IQCK: variants seen among roughly 807,000 people sequenced by gnomAD.
The protein encoded by IQCK is IQ domain-containing protein K.
IQCK carries 29 observed loss-of-function variants against 28.1 expected under a neutral mutation model. The observed-to-expected ratio is 1.03, with a 90% CI of 0.77 to 1.41. The LOEUF (loss-of-function observed/expected upper bound fraction) is 1.41. Ranked by LOEUF, IQCK falls within the 40% of genes most tolerant of loss-of-function variation. The probability of loss-of-function intolerance (pLI) is 0.00; values close to 1 mark genes in which losing one functional copy is unlikely to be tolerated. For missense variants in IQCK, 359 were observed against 314.7 expected (o/e 1.14, Z -1.07); for synonymous variants, 113 against 115.1 (o/e 0.98, Z 0.12).
chr16:19,765,264 A>G (rs1009903216), intron 6 of IQCK, among the ~76,000 whole-genome samples: 14 of 149,226 alleles, frequency 9.4e-5, no homozygotes, highest in Admixed American at 2.7e-4. Context: ...CTGGCCGGGC[A>G]TGGTGGCTTA....
rs549362526 is a variant in IQCK, at chr16:19,846,392, C to A, written c.803-10095C>A. On this transcript the variant is annotated intron_variant, in intron 9 of 9. Coordinates refer to the IQCK transcript ENST00000320394. ...TACCTCAGTTTTCACCTATTAAAAA[C>A]AAGCCTTTTATTGAATCTCTCTTTT... is the stretch of plus-strand genomic sequence containing the variant. 3.3e-4 allele frequency among the ~76,000 whole-genome samples: 50 copies of A among 152,316 alleles called. No individual in the cohort carries two copies. In the East Asian group the frequency reaches 6.4e-3, roughly 19 times the overall value.
At chr16:19,748,894 AAAAAC>A (rs773775993) in intron 4 of IQCK, among the ~76,000 whole-genome samples, 6 of 152,228 alleles carry the variant, frequency 3.9e-5, no homozygotes, top group Admixed American at 1.3e-4. Context: ...TGTAATGGAA[AAAAAC>A]AAAACAAAAC....
chr16:19,761,751 T>C (rs2055146871), intron 4 of IQCK: 1 of 230,162 alleles, frequency 4.3e-6, no homozygotes, highest in Non-Finnish European at 8.7e-6. Context: ...TCCCTTGTGG[T>C]TTACTAGGTA....
intron 4 of IQCK, among the ~76,000 whole-genome samples, chr16:19,743,387 T>C (rs545522456): frequency 6.6e-6 from 1 of 152,334 alleles, no homozygotes; most frequent in South Asian, 2.1e-4. Flanking sequence ...TCCCTGGAGC[T>C]GGAGCTGGGC....
At chr16:19,855,038 C>G (rs1372640884) in intron 9 of IQCK, among the ~76,000 whole-genome samples, 1 of 151,930 alleles carries the variant, frequency 6.6e-6, no homozygotes, top group African/African-American at 2.4e-5. Context: ...TACGCAAAAC[C>G]AAATAAATAC....
intron 6 of IQCK, among the ~76,000 whole-genome samples, chr16:19,780,735 A>G (rs1184139559): frequency 6.6e-6 from 1 of 152,210 alleles, no homozygotes; most frequent in Non-Finnish European, 1.5e-5. Context: ...CTCCTGTCAC[A>G]TTACAGTTGT....
chr16:19,735,385 T>C, exon 4 of IQCK: 1 of 1,614,114 alleles, frequency 6.2e-7, no homozygotes, highest in Non-Finnish European at 8.5e-7. Flanking sequence ...AACTTTCATC[T>C]TTCCTGTTCT....
At chr16:19,784,400 C>A (rs929208902) in intron 6 of IQCK, among the ~76,000 whole-genome samples, 1 of 152,114 alleles carries the variant, frequency 6.6e-6, no homozygotes, top group Non-Finnish European at 1.5e-5. Context: ...GTCCCTTTAC[C>A]CCTCTATGCC....
At chr16:19,839,297 A>T in intron 9 of IQCK, among the ~76,000 whole-genome samples, 1 of 151,720 alleles carries the variant, frequency 6.6e-6, no homozygotes, top group East Asian at 2.0e-4. Flanking sequence ...AGTAGCTGGG[A>T]TTACAGGCGC....
chr16:19,815,712 A>G (rs1465960495), intron 7 of IQCK, among the ~76,000 whole-genome samples: 1 of 152,186 alleles, frequency 6.6e-6, no homozygotes, highest in Non-Finnish European at 1.5e-5. Context: ...ACAATAAGGA[A>G]CACTAATAAT....
chr16:19,730,491 T>G, exon 2 of IQCK: 1 of 1,606,538 alleles, frequency 6.2e-7, no homozygotes, highest in Non-Finnish European at 8.5e-7. Context: ...AGCCTGTGAT[T>G]ACGGTGAGTA....
chr16:19,852,865 G>T lies in IQCK; in HGVS notation c.803-3622G>T, dbSNP rs1403054009. Among the ~76,000 whole-genome samples, 62 of 152,048 alleles carry T rather than the reference G, an allele frequency of 4.1e-4. 1 individual carries two copies. Among genetic ancestry groups the T allele is most frequent in the Admixed American group, 4.1e-3 (62 of 15,270 alleles). Reference sequence around the variant, plus strand: ...TCTTGATCTCCTGATCTCGTGATCTGCCCGCCTCAGCCTCCCAATGTGCTG... The same window carrying T: ...TCTTGATCTCCTGATCTCGTGATCTTCCCGCCTCAGCCTCCCAATGTGCTG... On this transcript the variant is annotated intron_variant, in intron 9 of 9. Transcript: ENST00000320394.
chr16:19,745,459 C>T (rs566615034), intron 4 of IQCK, among the ~76,000 whole-genome samples: 5 of 152,136 alleles, frequency 3.3e-5, no homozygotes, highest in African/African-American at 1.2e-4. Context: ...CCGCAGCGGC[C>T]GTAACATCAC....
intron 4 of IQCK, among the ~76,000 whole-genome samples, chr16:19,752,701 A>G (rs979082837): frequency 7.9e-5 from 12 of 152,130 alleles, no homozygotes; most frequent in Admixed American, 4.6e-4. Context: ...AGCTGGGACT[A>G]TAGGCATACA....
intron 2 of IQCK, 135 bp downstream of exon 2, chr16:19,730,629 T>A: frequency 1.8e-6 from 1 of 548,102 alleles, no homozygotes; most frequent in Admixed American, 3.7e-5. Flanking sequence ...AACCAGAAAC[T>A]TGGGGCCAAT....
intron 7 of IQCK, among the ~76,000 whole-genome samples, chr16:19,792,451 A>C (rs940441501): frequency 9.3e-6 from 1 of 107,600 alleles, no homozygotes; most frequent in Non-Finnish European, 1.6e-5. Context: ...TTTTGAATAC[A>C]TGCACACACA....
At chr16:19,821,245 G>T (rs558775906) in intron 7 of IQCK, among the ~76,000 whole-genome samples, 3 of 152,008 alleles carry the variant, frequency 2.0e-5, no homozygotes, top group Non-Finnish European at 4.4e-5. Context: ...AAAATAACAC[G>T]TGTTGACAAG....
At chr16:19,747,376 G>A (rs979810976) in intron 4 of IQCK, among the ~76,000 whole-genome samples, 10 of 152,210 alleles carry the variant, frequency 6.6e-5, no homozygotes, top group Non-Finnish European at 8.8e-5. Context: ...AATTAGACAC[G>A]TCAAGGCCTC....
downstream of IQCK, among the ~76,000 whole-genome samples, chr16:19,830,278 G>T (rs2056213819): frequency 6.6e-6 from 1 of 152,200 alleles, no homozygotes; most frequent in East Asian, 1.9e-4. Flanking sequence ...AGTGCAGCAT[G>T]CCTATTTCTT....
Sources: gnomAD v4.1 joint callset for allele counts (sites outside exome capture counted in the v4.1 genomes callset) on GRCh38, gnomAD v4.1.1 for gene constraint, MANE v1.5 for transcripts, NCBI Gene and HGNC (gene_info 2026-07-23, HGNC 2026-07-21) for gene names.